KIAA0232: variants seen among roughly 807,000 people sequenced by gnomAD.
KIAA0232 encodes uncharacterized protein KIAA0232.
Under a neutral mutation model 122.0 loss-of-function variants are expected in KIAA0232, and 27 were observed. The ratio of observed to expected loss-of-function variants is 0.22; its 90% CI spans 0.16 to 0.31. KIAA0232 has a LOEUF of 0.31. Ranked by LOEUF, KIAA0232 falls within the 10% of genes least tolerant of loss-of-function variation. The pLI is 1.00. For missense variants in KIAA0232, 1,551 were observed against 1,634.2 expected, an observed-to-expected ratio of 0.95 and a Z score of 0.88; for synonymous variants, 613 against 587.6, an observed-to-expected ratio of 1.04 and a Z score of -0.63.
Position 6,879,824 on chromosome 4 carries a change from G to GT in KIAA0232, c.4009-963_4009-962insT, listed in dbSNP as rs1560215773. 8.2e-4 allele frequency among the ~76,000 whole-genome samples: 23 copies of GT among 28,212 alleles called. 1 individual carries two copies. The highest frequency in any genetic ancestry group is 1.8e-3 in the African/African-American group (16 of 8,958). The allele number at this position is 28,212 out of a possible 152,430, so 18.5% of individuals were successfully genotyped here. ...CCTTCCCAACACACCCATCTGCAGTGCCCCCCCTCACCATCTGTACTGTGT... is the reference window on the plus strand; with the variant it reads ...CCTTCCCAACACACCCATCTGCAGTGTCCCCCCCTCACCATCTGTACTGTGT... On this transcript the variant is annotated intron_variant, in intron 9 of 9. Coordinates refer to ENST00000307659, the MANE Select transcript of KIAA0232 (RefSeq NM_014743.3).
At chr4:6,868,705 A>G (rs1220532311) in intron 7 of KIAA0232, among the ~76,000 whole-genome samples, 2 of 152,218 alleles carry the variant, frequency 1.3e-5, no homozygotes, top group East Asian at 3.8e-4. Flanking sequence ...CAGCCACAGC[A>G]GAAGTTGAAT....
intron 7 of KIAA0232, among the ~76,000 whole-genome samples, chr4:6,867,136 T>C (rs1238315210): frequency 6.6e-6 from 1 of 152,222 alleles, no homozygotes; most frequent in Non-Finnish European, 1.5e-5. Flanking sequence ...TTCCATCGTA[T>C]GGATATACCG....
rs560661446 is a variant in KIAA0232 at position 6,835,817 on chromosome 4, C to T, written c.232-6250C>T. On this transcript the variant is annotated intron_variant, in intron 3 of 9. Coordinates refer to ENST00000307659, the MANE Select transcript of KIAA0232 (RefSeq NM_014743.3). ...ATGAACTCATCCTTTTTTATGGCTG[C>T]GTAGTATTCCATGGTGTATATGTGC... Among the ~76,000 whole-genome samples, 341 of 152,276 alleles carry T rather than the reference C, an allele frequency of 2.2e-3. 1 individual carries two copies. Among genetic ancestry groups the T allele is most frequent in the African/African-American group, 7.8e-3 (322 of 41,536 alleles).
At chr4:6,830,403 C>CTTTTTT (rs10714574) in intron 3 of KIAA0232, among the ~76,000 whole-genome samples, 16 of 75,512 alleles carry the variant, frequency 2.1e-4, no homozygotes, top group Admixed American at 2.8e-4. Flanking sequence ...TCTCTGTTGT[C>CTTTTTT]TTTTTTTTTT....
At chr4:6,844,198 C>T (rs1042614757) in intron 4 of KIAA0232, among the ~76,000 whole-genome samples, 3 of 151,944 alleles carry the variant, frequency 2.0e-5, no homozygotes, top group Non-Finnish European at 4.4e-5. Context: ...CCTCAGCCTC[C>T]CAAAGTGCTG....
chr4:6,826,784 A>T (rs949155269), intron 3 of KIAA0232, among the ~76,000 whole-genome samples: 1 of 152,202 alleles, frequency 6.6e-6, no homozygotes, highest in African/African-American at 2.4e-5. Flanking sequence ...TCAGTCTACA[A>T]TATTTAATCA....
chr4:6,868,299 C>T (rs1350647309), intron 7 of KIAA0232, among the ~76,000 whole-genome samples: 3 of 152,174 alleles, frequency 2.0e-5, no homozygotes, highest in Admixed American at 1.3e-4. Flanking sequence ...TTCTTATGTA[C>T]CTGCTCGGCC....
intron 9 of KIAA0232, among the ~76,000 whole-genome samples, chr4:6,879,183 C>T (rs1721924292): frequency 1.3e-5 from 2 of 152,190 alleles, no homozygotes; most frequent in South Asian, 4.1e-4. Context: ...CCTTTCCAGC[C>T]TTCTCTCCAC....
Position 6,861,368 on chromosome 4 carries a change from A to T in KIAA0232, c.986A>T (p.Asn329Ile), listed in dbSNP as rs771226794. The T allele has an allele frequency of 6.2e-7, 1 of 1,614,194 alleles. No homozygotes were observed. Among genetic ancestry groups the T allele is most frequent in the South Asian group, 1.1e-5 (1 of 91,086 alleles). Residue 329 changes from asparagine (N) to isoleucine (I), a missense_variant, in exon 7 of 10, where the codon AAT (asparagine) becomes ATT (isoleucine). This residue lies in a region of KIAA0232 where 377 missense variants were observed against 381.7 expected (regional missense o/e 0.99). Transcript: ENST00000307659. ...GAGATTCGAAACAAAAAAGGGCGGA[A>T]TGGGCAAAGCAGGCTTTCTTTGAAG... Reference protein sequence around the residue: ...AREIRNKKGRNGQSRLSLKHG... With the variant: ...AREIRNKKGRIGQSRLSLKHG...
chr4:6,792,866 A>G (rs1716967904), intron 1 of KIAA0232, among the ~76,000 whole-genome samples: 1 of 151,558 alleles, frequency 6.6e-6, no homozygotes, highest in Admixed American at 6.6e-5. Context: ...ATGTTTTTGT[A>G]TTTTTAGTAG....
intron 1 of KIAA0232, among the ~76,000 whole-genome samples, chr4:6,791,205 C>T (rs1426727889): frequency 6.6e-6 from 1 of 151,676 alleles, no homozygotes; most frequent in African/African-American, 2.4e-5. Flanking sequence ...AGGCATGAGC[C>T]ACCGTGCCTG....
At chr4:6,839,005 T>C (rs1211481270) in intron 3 of KIAA0232, among the ~76,000 whole-genome samples, 1 of 152,130 alleles carries the variant, frequency 6.6e-6, no homozygotes, top group Non-Finnish European at 1.5e-5. Flanking sequence ...GGCGCATGCC[T>C]GCAATCCCAG....
intron 7 of KIAA0232, among the ~76,000 whole-genome samples, chr4:6,865,707 A>T (rs1053779445): frequency 2.6e-5 from 4 of 152,074 alleles, no homozygotes; most frequent in African/African-American, 9.7e-5. Context: ...CACCCTACCC[A>T]CCATTGCACA....
At chr4:6,841,551 A>G (rs1287986350) in intron 3 of KIAA0232, among the ~76,000 whole-genome samples, 1 of 152,220 alleles carries the variant, frequency 6.6e-6, no homozygotes. Context: ...GAAATACATA[A>G]ACTTTTTTTA....
At chr4:6,840,774 T>C (rs898906117) in intron 3 of KIAA0232, among the ~76,000 whole-genome samples, 1 of 151,506 alleles carries the variant, frequency 6.6e-6, no homozygotes, top group Non-Finnish European at 1.5e-5. Context: ...CACCTCTGCC[T>C]CCCAAAGTGC....
rs1720537978 is a variant in KIAA0232, at chr4:6,855,783, G to A, written c.370-1381G>A. 3.2e-6 allele frequency: 3 copies of A among 940,534 alleles called. No homozygotes were observed. Among genetic ancestry groups the A allele is most frequent in the South Asian group, 4.9e-5 (1 of 20,450 alleles). The allele number at this position is 940,534 out of a possible 1,614,324, so 58.3% of individuals were successfully genotyped here. A position where few individuals can be genotyped will look rare whatever the true frequency, so the allele number is the denominator to read the frequency against. ...CTAGCCCTAGGTTTAGAAACCTAGT[G>A]ACATAGGCTTGCTGTACAGAACAGT... is the stretch of plus-strand genomic sequence containing the variant. On this transcript the variant is annotated intron_variant, in intron 4 of 9. Coordinates refer to ENST00000307659, the MANE Select transcript of KIAA0232 (RefSeq NM_014743.3). This position sits in a 1 kb window ranked among gnomAD's most constrained non-coding sequence, Gnocchi z 4.3.
chr4:6,823,588 A>AT, intron 2 of KIAA0232, among the ~76,000 whole-genome samples: 2 of 152,172 alleles, frequency 1.3e-5, no homozygotes, highest in South Asian at 4.1e-4. Context: ...TAAAGAACTA[A>AT]TTTTTTTACC....
chr4:6,783,650 C>G (rs893130026), intron 1 of KIAA0232, among the ~76,000 whole-genome samples: 2 of 149,958 alleles, frequency 1.3e-5, no homozygotes, highest in Non-Finnish European at 3.0e-5. Context: ...GGCCGGGAGG[C>G]CGGCTGAGCG....
At chr4:6,791,424 G>T (rs781127206) in intron 1 of KIAA0232, among the ~76,000 whole-genome samples, 6 of 145,236 alleles carry the variant, frequency 4.1e-5, no homozygotes, top group Non-Finnish European at 7.4e-5. Context: ...CACCTCCCAG[G>T]CTCAATTGAT....
Sources: gnomAD v4.1 joint callset for allele counts (sites outside exome capture counted in the v4.1 genomes callset) on GRCh38, gnomAD v4.1.1 for gene constraint, gnomAD v4.1.1 regional missense constraint, Gnocchi (gnomAD v3.1) non-coding constraint, MANE v1.5 for transcripts, NCBI Gene and HGNC (gene_info 2026-07-23, HGNC 2026-07-21) for gene names.